The following RELL1 variants were observed in gnomAD, a reference collection of about 807,000 sequenced individuals.
RELL1 encodes RELT-like protein 1.
Under a neutral mutation model 23.0 loss-of-function variants are expected in RELL1, and 10 were observed. That is an observed-to-expected ratio of 0.43 (90% CI 0.27 to 0.74). The LOEUF (loss-of-function observed/expected upper bound fraction) is 0.74. Ranked by LOEUF, RELL1 falls within the 30% of genes least tolerant of loss-of-function variation. RELL1 has a pLI of 0.19. For synonymous variants in RELL1, 146 were observed against 146.8 expected, an observed-to-expected ratio of 0.99 and a Z score of 0.04; for missense variants, 315 against 364.4, an observed-to-expected ratio of 0.86 and a Z score of 1.10.
chr4:37,644,964 G>T (rs537056758), intron 3 of RELL1, among the ~76,000 whole-genome samples: 1 of 152,236 alleles, frequency 6.6e-6, no homozygotes, highest in African/African-American at 2.4e-5. Context: ...TTCCAGCGGT[G>T]CAACACTGGC....
rs141281157 is a variant in RELL1, at chr4:37,640,812, A to G, written c.386-2308T>C. On this transcript the variant is annotated intron_variant, in intron 3 of 6. Coordinates refer to ENST00000454158, the MANE Select transcript of RELL1 (RefSeq NM_001085400.2). ...ATCCATAGGTGCAGATCTGATGGATATGGATGGCTGATTATATAAAGTAAT... is the reference window on the plus strand; with the variant it reads ...ATCCATAGGTGCAGATCTGATGGATGTGGATGGCTGATTATATAAAGTAAT... Among the ~76,000 whole-genome samples, 826 of 152,264 alleles carry G rather than the reference A, an allele frequency of 5.4e-3. 8 individuals carry two copies. The highest frequency in any genetic ancestry group is 0.018 in the African/African-American group (765 of 41,520).
At chr4:37,644,487 A>G (rs1032183154) in intron 3 of RELL1, among the ~76,000 whole-genome samples, 9 of 105,448 alleles carry the variant, frequency 8.5e-5, no homozygotes, top group African/African-American at 2.8e-4. Context: ...TTTGAGACAG[A>G]GTCTCACTCT....
intron 1 of RELL1, among the ~76,000 whole-genome samples, chr4:37,677,943 G>A (rs1722072186): frequency 6.6e-6 from 1 of 152,200 alleles, no homozygotes; most frequent in Non-Finnish European, 1.5e-5. Flanking sequence ...TTGCACTCCA[G>A]CAGCCTGAGC....
At position 37,622,074 on chromosome 4, in the gene RELL1, A is replaced by G. The variant is rs28493428; in HGVS notation, c.*4-8732T>C. The stretch of plus-strand genomic sequence containing the variant: ...GGCATATAGCTTTTTAACTGTGTCT[A>G]CCATTTTCACTCCTTATGGCTCAGT... On this transcript the variant is annotated intron_variant, in intron 6 of 6. Coordinates refer to ENST00000454158, the MANE Select transcript of RELL1 (RefSeq NM_001085400.2). Among the ~76,000 whole-genome samples, 1,117 of 152,338 alleles carry G rather than the reference A, an allele frequency of 7.3e-3. 13 individuals are homozygous for G. Among genetic ancestry groups the G allele is most frequent in the African/African-American group, 0.025 (1,046 of 41,580 alleles).
intron 1 of RELL1, among the ~76,000 whole-genome samples, chr4:37,663,596 G>A (rs1721426887): frequency 6.6e-6 from 1 of 152,078 alleles, no homozygotes; most frequent in Non-Finnish European, 1.5e-5. Flanking sequence ...TTCTTCCCTC[G>A]CAGCATCTGT....
rs201116768 is a variant in RELL1 at position 37,634,923 on chromosome 4, C to T, written c.644G>A (p.Arg215Gln). Residue 215 changes from arginine (R) to glutamine (Q), a missense_variant, in exon 5 of 7, where the codon CGG (arginine) becomes CAG (glutamine). Arg to Gln is a conservative substitution (Grantham distance 43). Transcript: ENST00000454158. ...AAGGACCGTGACCTCGCCTTGGCGCCGTGGTCTGCTCTCTCTGGACTTGTT... is the reference window on the plus strand; with the variant it reads ...AAGGACCGTGACCTCGCCTTGGCGCTGTGGTCTGCTCTCTCTGGACTTGTT... ...PTNKSRESRP[R>Q]RQGEVTVLSV... 1.5e-4 allele frequency: 245 copies of T among 1,614,250 alleles called. No individual in the cohort carries two copies. The highest frequency in any genetic ancestry group is 4.8e-4 in the South Asian group (44 of 91,088).
intron 1 of RELL1, chr4:37,665,186 A>C (rs1721489066): frequency 2.2e-6 from 1 of 453,768 alleles, no homozygotes; most frequent in Non-Finnish European, 4.4e-6. Flanking sequence ...GTAGAACAGA[A>C]TATCCAGTGT....
At chr4:37,605,323 C>G (rs2973283) in intron 6 of RELL1, among the ~76,000 whole-genome samples, 150,281 of 152,316 alleles carry the variant, frequency 0.99, 74,166 homozygotes, top group East Asian at 1. Context: ...GACACCTAGT[C>G]CTCTTTATTT....
chr4:37,683,913 C>T (rs779612462), intron 1 of RELL1, among the ~76,000 whole-genome samples: 27 of 151,594 alleles, frequency 1.8e-4, no homozygotes, highest in Non-Finnish European at 3.8e-4. Context: ...AACCCCGTCT[C>T]TACTAAAAAT....
At chr4:37,643,831 T>C (rs1257620652) in intron 3 of RELL1, among the ~76,000 whole-genome samples, 1 of 152,190 alleles carries the variant, frequency 6.6e-6, no homozygotes, top group South Asian at 2.1e-4. Context: ...CACCAGGCTG[T>C]GGTTTTGGTG....
intron 6 of RELL1, among the ~76,000 whole-genome samples, chr4:37,624,608 T>G (rs1271058154): frequency 6.6e-6 from 1 of 151,912 alleles, no homozygotes; most frequent in Non-Finnish European, 1.5e-5. Flanking sequence ...TTTTGTATTT[T>G]TTAGTAGAGA....
Position 37,600,256 on chromosome 4 carries a change from C to T in RELL1, c.*4-9039G>A, listed in dbSNP as rs533569913. 2.8e-3 allele frequency among the ~76,000 whole-genome samples: 365 copies of T among 132,698 alleles called. 2 individuals carry two copies. Among genetic ancestry groups the T allele is most frequent in the Non-Finnish European group, 4.6e-3 (300 of 65,466 alleles). 87.1% of individuals were successfully genotyped at this position (132,698 alleles called of 152,430 possible). A position where few individuals can be genotyped will look rare whatever the true frequency, so the allele number is the denominator to read the frequency against. On this transcript the variant is annotated intron_variant, in intron 6 of 6. Transcript: ENST00000314117. ...CTGCACTCCAGCCTGGGTGACAGAG[C>T]GAGACTCCATCTCAAAAAAAAAAAA...
intron 1 of RELL1, among the ~76,000 whole-genome samples, chr4:37,681,311 G>T (rs1279035215): frequency 6.6e-6 from 1 of 152,086 alleles, no homozygotes. Flanking sequence ...TGCGCACTCT[G>T]GAGAAAAAAT....
At chr4:37,651,447 G>T (rs951539754) in intron 1 of RELL1, among the ~76,000 whole-genome samples, 3 of 152,180 alleles carry the variant, frequency 2.0e-5, no homozygotes, top group African/African-American at 4.8e-5. Context: ...CTACATCAAG[G>T]GAGGTTCACA....
chr4:37,621,146 A>T (rs1012574609), intron 6 of RELL1, among the ~76,000 whole-genome samples: 2 of 152,178 alleles, frequency 1.3e-5, no homozygotes, highest in East Asian at 3.9e-4. Flanking sequence ...GTAGAACTCA[A>T]GGTCTCAAGG....
chr4:37,621,849 T>C (rs1719779572), intron 6 of RELL1, among the ~76,000 whole-genome samples: 1 of 152,230 alleles, frequency 6.6e-6, no homozygotes, highest in African/African-American at 2.4e-5. Context: ...AAATTCCTGG[T>C]CACCCATGTT....
chr4:37,637,125 C>G (rs1169123180), intron 4 of RELL1, among the ~76,000 whole-genome samples: 2 of 152,162 alleles, frequency 1.3e-5, no homozygotes, highest in African/African-American at 4.8e-5. Flanking sequence ...TACAGGATGC[C>G]CAAAGATGAC....
chr4:37,647,648 C>G (rs920589259), intron 2 of RELL1, among the ~76,000 whole-genome samples: 3 of 152,222 alleles, frequency 2.0e-5, no homozygotes, highest in African/African-American at 7.2e-5. Context: ...GTCCATCTAT[C>G]TCTTCTGAAG....
chr4:37,605,793 G>GGGAA (rs1719180005), downstream of RELL1, among the ~76,000 whole-genome samples: 1 of 90,304 alleles, frequency 1.1e-5, no homozygotes, highest in Non-Finnish European at 2.4e-5. Flanking sequence ...GAGAAAGAAA[G>GGGAA]AGAAAGAAAG....
Sources: gnomAD v4.1 joint callset for allele counts (sites outside exome capture counted in the v4.1 genomes callset) on GRCh38, gnomAD v4.1.1 for gene constraint, MANE v1.5 for transcripts, NCBI Gene and HGNC (gene_info 2026-07-23, HGNC 2026-07-21) for gene names.